The following USP34 variants were observed in gnomAD, a reference collection of about 807,000 sequenced individuals.
USP34 encodes the protein ubiquitin carboxyl-terminal hydrolase 34.
In USP34, 70 loss-of-function variants were observed where a neutral mutation model predicts 460.3. The ratio of observed to expected loss-of-function variants is 0.15; its 90% confidence interval spans 0.13 to 0.19. The LOEUF is 0.19. Ranked by LOEUF, USP34 falls within the 10% of genes least tolerant of loss-of-function variation. The pLI is 1.00. For synonymous variants in USP34, 1,647 were observed against 1,405.3 expected, an observed-to-expected ratio of 1.17 and a Z score of -3.85; for missense variants, 3,985 against 4,236.2, an observed-to-expected ratio of 0.94 and a Z score of 1.65.
chr2:61,420,589 G>A (rs543035091), intron 2 of USP34, among the ~76,000 whole-genome samples, 157 bp downstream of exon 2: 24 of 152,138 alleles, frequency 1.6e-4, no homozygotes, highest in South Asian at 8.3e-4. Flanking sequence ...AATCATGATC[G>A]ACCTCATGAG....
intron 31 of USP34, 50 bp from the exon 32 acceptor site, chr2:61,295,082 T>A (rs1398247004): frequency 2.5e-6 from 4 of 1,602,254 alleles, no homozygotes; most frequent in Non-Finnish European, 3.4e-6. Flanking sequence ...GAAAGAATTA[T>A]TATAGAATGG....
intron 1 of USP34, among the ~76,000 whole-genome samples, chr2:61,447,106 T>G (rs553896404): frequency 6.6e-6 from 1 of 151,890 alleles, no homozygotes; most frequent in East Asian, 1.9e-4. Context: ...AATAAAAAAA[T>G]TAGCCTGGCA....
chr2:61,412,806 T>C (rs1429271533), intron 2 of USP34, among the ~76,000 whole-genome samples: 2 of 150,614 alleles, frequency 1.3e-5, no homozygotes, highest in African/African-American at 2.4e-5. Context: ...GGAGAATCAC[T>C]TGAGCCCAGG....
At position 61,190,587 on chromosome 2, in the gene USP34, G is replaced by A; in HGVS notation, c.9660C>T (p.Ile3220=). The change falls in exon 77 of 80, where the codon ATC becomes ATT. Residue 3220 remains isoleucine (I), a synonymous_variant. Transcript: ENST00000398571. The part of the protein sequence containing the change: ...DPVFAEYIKC[I]LMDERTFLNN... ...TTAAAAAAGTTCTTTCATCCATTAGGATACATTTAATATATTCTGCGAAAA... is the reference window on the plus strand; with the variant it reads ...TTAAAAAAGTTCTTTCATCCATTAGAATACATTTAATATATTCTGCGAAAA... 1 of 1,614,036 alleles carries A rather than the reference G, an allele frequency of 6.2e-7. No individual in the cohort carries two copies. Among genetic ancestry groups the A allele is most frequent in the Non-Finnish European group, 8.5e-7 (1 of 1,179,968 alleles).
At chr2:61,365,116 G>C (rs1692391306) in intron 10 of USP34, among the ~76,000 whole-genome samples, 1 of 151,832 alleles carries the variant, frequency 6.6e-6, no homozygotes, top group Non-Finnish European at 1.5e-5. Context: ...GCCAGGCATG[G>C]AGGTGCGCGC....
At chr2:61,246,180 G>A (rs773246542) in intron 50 of USP34, 144 bp downstream of exon 50, 1 of 520,852 alleles carries the variant, frequency 1.9e-6, no homozygotes, top group Admixed American at 4.0e-5. Flanking sequence ...GATTTACACT[G>A]TCTGTTGAAA....
intron 43 of USP34, among the ~76,000 whole-genome samples, chr2:61,260,329 C>A (rs1688841544): frequency 6.6e-6 from 1 of 152,144 alleles, no homozygotes; most frequent in Admixed American, 6.5e-5. Flanking sequence ...GTATTGAACA[C>A]CAAGCCTTAT....
intron 41 of USP34, among the ~76,000 whole-genome samples, chr2:61,274,844 A>C (rs554727713): frequency 6.6e-6 from 1 of 152,348 alleles, no homozygotes; most frequent in African/African-American, 2.4e-5. Context: ...ATGAACTAGC[A>C]GTTCTAACTT....
intron 1 of USP34, among the ~76,000 whole-genome samples, chr2:61,461,331 T>C (rs1695593734): frequency 6.6e-6 from 1 of 151,570 alleles, no homozygotes; most frequent in South Asian, 2.1e-4. Context: ...AGGCAGAGGT[T>C]GCAGTGAGCC....
chr2:61,214,195 C>G lies in USP34; in HGVS notation c.8547G>C (p.Gly2849=). Residue 2849 remains glycine (G), a synonymous_variant, in exon 68 of 80, where the codon GGG becomes GGC. Transcript: ENST00000398571. ...DDQDVVLFNR[G]MLPAYYGILR... ...GAATGCCATAGTACGCTGGCAGCAT[C>G]CCACGGTTAAAAAGCACCACATCCT... 1 of 1,614,176 alleles carries G rather than the reference C, an allele frequency of 6.2e-7. No individual in the cohort carries two copies. The highest frequency in any genetic ancestry group is 1.6e-4 in the Middle Eastern group (1 of 6,062).
At chr2:61,357,673 G>A (rs1376615217) in intron 10 of USP34, among the ~76,000 whole-genome samples, 1 of 152,144 alleles carries the variant, frequency 6.6e-6, no homozygotes, top group African/African-American at 2.4e-5. Flanking sequence ...GGCCAAGGGG[G>A]AAAGACTGCT....
intron 67 of USP34, among the ~76,000 whole-genome samples, chr2:61,216,386 G>C (rs1687397012): frequency 6.7e-6 from 1 of 148,620 alleles, no homozygotes; most frequent in African/African-American, 2.5e-5. Context: ...GGATCACGAG[G>C]TCAGGAGCTC....
rs550871523 is a variant in USP34 at position 61,451,092 on chromosome 2, G to C, written c.43+19558C>G. 8.6e-5 allele frequency among the ~76,000 whole-genome samples: 13 copies of C among 151,224 alleles called. No individual in the cohort carries two copies. In the South Asian group the frequency reaches 2.7e-3, roughly 31 times the overall value. ...AAAAATTGGCTGGGCATGGTGGTAG[G>C]CGCCTATAATTCCAGCTACTCGGGA... is the stretch of plus-strand genomic sequence containing the variant. On this transcript the variant is annotated intron_variant, in intron 1 of 79. Transcript: ENST00000398571.
intron 74 of USP34, among the ~76,000 whole-genome samples, chr2:61,203,887 T>C (rs1687041687): frequency 6.7e-6 from 1 of 150,072 alleles, no homozygotes; most frequent in East Asian, 2.0e-4. Context: ...CAAAGGAATA[T>C]AATTTAAGGG....
At chr2:61,400,098 A>C (rs968346581) in intron 3 of USP34, among the ~76,000 whole-genome samples, 3 of 141,310 alleles carry the variant, frequency 2.1e-5, no homozygotes, top group Non-Finnish European at 4.6e-5. Context: ...GAGTAACTAT[A>C]CAGGAAAGGC....
intron 1 of USP34, among the ~76,000 whole-genome samples, chr2:61,446,765 C>A (rs1695130464): frequency 6.7e-6 from 1 of 148,484 alleles, no homozygotes; most frequent in African/African-American, 2.5e-5. Flanking sequence ...CACTACACTG[C>A]AGCCTGGGCA....
At chr2:61,315,458 T>C (rs1690714781) in intron 23 of USP34, among the ~76,000 whole-genome samples, 1 of 152,006 alleles carries the variant, frequency 6.6e-6, no homozygotes, top group Non-Finnish European at 1.5e-5. Flanking sequence ...CTGCAACCTC[T>C]GCCTCCCAGG....
intron 10 of USP34, among the ~76,000 whole-genome samples, chr2:61,355,010 G>A (rs932978023): frequency 6.6e-6 from 1 of 152,126 alleles, no homozygotes; most frequent in Non-Finnish European, 1.5e-5. Flanking sequence ...TGAGGCACTT[G>A]TCTCTATCCT....
chr2:61,451,853 A>T (rs935789849), intron 1 of USP34, among the ~76,000 whole-genome samples: 1 of 152,078 alleles, frequency 6.6e-6, no homozygotes, highest in East Asian at 1.9e-4. Context: ...AAAAAATTAA[A>T]TTTAACAAAT....
Sources: allele counts gnomAD v4.1 joint callset (sites outside exome capture counted in the v4.1 genomes callset), GRCh38; gene constraint gnomAD v4.1.1; transcripts MANE v1.5; gene names NCBI Gene and HGNC (gene_info 2026-07-23, HGNC 2026-07-21).